DNAAF4: variants seen among roughly 807,000 people sequenced by gnomAD.
DNAAF4 encodes dynein assembly factor 4, axonemal.
Under a neutral mutation model 51.8 loss-of-function variants are expected in DNAAF4, and 43 were observed. The observed-to-expected ratio is 0.83, with a 90% confidence interval of 0.65 to 1.07. The LOEUF is 1.07. Ranked by LOEUF, DNAAF4 falls within the 50% of genes least tolerant of loss-of-function variation. DNAAF4 has a pLI of 0.00. For synonymous variants in DNAAF4, 194 were observed against 165.6 expected, an observed-to-expected ratio of 1.17 and a Z score of -1.32; for missense variants, 581 against 493.0, an observed-to-expected ratio of 1.18 and a Z score of -1.69.
chr15:55,460,731 T>C lies in DNAAF4; in HGVS notation c.637+6199A>G, dbSNP rs911763901. 2.6e-5 allele frequency among the ~76,000 whole-genome samples: 4 copies of C among 151,796 alleles called. No homozygotes were observed. The East Asian group carries it at 7.7e-4, about 29-fold the overall frequency. On this transcript the variant is annotated intron_variant, in intron 5 of 9. Transcript: ENST00000321149. ...AGCACATGGAACATTCATTCCAAGATAAACCAAATGATAGAACACAAAACA... is the reference window on the plus strand; with the variant it reads ...AGCACATGGAACATTCATTCCAAGACAAACCAAATGATAGAACACAAAACA...
At chr15:55,498,920 A>AG (rs2058676102) in intron 1 of DNAAF4, among the ~76,000 whole-genome samples, 1 of 151,094 alleles carries the variant, frequency 6.6e-6, no homozygotes, top group Admixed American at 6.6e-5. Flanking sequence ...TCAAAAAAAA[A>AG]AAAAGAAAAG....
At chr15:55,437,739 C>CT (rs1239646811) in intron 7 of DNAAF4, among the ~76,000 whole-genome samples, 1 of 152,102 alleles carries the variant, frequency 6.6e-6, no homozygotes, top group Non-Finnish European at 1.5e-5. Context: ...CAATCAGTGG[C>CT]TGGGGAGCCA....
chr15:55,484,548 T>A (rs959496705), intron 4 of DNAAF4, among the ~76,000 whole-genome samples: 1 of 151,748 alleles, frequency 6.6e-6, no homozygotes, highest in East Asian at 1.9e-4. Context: ...CACTTCTAGA[T>A]ACAAGCCCAA....
chr15:55,422,760 G>T (rs564176043), intron 7 of DNAAF4, among the ~76,000 whole-genome samples: 1 of 152,190 alleles, frequency 6.6e-6, no homozygotes, highest in African/African-American at 2.4e-5. Context: ...ACTTTGGGAG[G>T]CTGAGGTGGG....
At chr15:55,501,669 C>G (rs184093898) in intron 1 of DNAAF4, among the ~76,000 whole-genome samples, 1 of 152,030 alleles carries the variant, frequency 6.6e-6, no homozygotes, top group South Asian at 2.1e-4. Flanking sequence ...GCCACCACGC[C>G]GGGCCAGGAT....
intron 1 of DNAAF4, among the ~76,000 whole-genome samples, chr15:55,505,593 AG>A (rs1372713986): frequency 6.6e-6 from 1 of 152,222 alleles, no homozygotes; most frequent in East Asian, 1.9e-4. Flanking sequence ...GCCATAAAAA[AG>A]GAGGAGTTCA....
chr15:55,470,773 G>T (rs893651205), intron 4 of DNAAF4, among the ~76,000 whole-genome samples: 2 of 151,260 alleles, frequency 1.3e-5, no homozygotes, highest in African/African-American at 4.9e-5. Context: ...TTGAACTCCT[G>T]GGCTCAAGTG....
chr15:55,465,833 T>C (rs748911175), intron 5 of DNAAF4, among the ~76,000 whole-genome samples: 18 of 152,216 alleles, frequency 1.2e-4, no homozygotes, highest in South Asian at 4.1e-4. Flanking sequence ...CCCAAAGTGT[T>C]AGGATTACAG....
At chr15:55,472,053 T>A (rs1356645042) in intron 4 of DNAAF4, among the ~76,000 whole-genome samples, 1 of 150,604 alleles carries the variant, frequency 6.6e-6, no homozygotes, top group African/African-American at 2.4e-5. Flanking sequence ...TTGGCCAGGC[T>A]GGTGTCAAAC....
chr15:55,444,765 C>T (rs1339496010), intron 6 of DNAAF4, among the ~76,000 whole-genome samples: 1 of 152,122 alleles, frequency 6.6e-6, no homozygotes, highest in East Asian at 1.9e-4. Flanking sequence ...CCTTCACATA[C>T]CTTGTAAGTT....
chr15:55,471,540 G>A (rs959870245), intron 4 of DNAAF4, among the ~76,000 whole-genome samples: 9 of 149,858 alleles, frequency 6.0e-5, no homozygotes, highest in African/African-American at 2.2e-4. Flanking sequence ...CTCAGATGGA[G>A]TCTCACTCTG....
intron 1 of DNAAF4, among the ~76,000 whole-genome samples, chr15:55,498,975 C>CTT (rs895276168): frequency 3.3e-5 from 5 of 151,064 alleles, no homozygotes; most frequent in Admixed American, 6.6e-5. Flanking sequence ...CCTCATAATG[C>CTT]GATAATGCTA....
At chr15:55,443,340 G>C in intron 6 of DNAAF4, 4 of 922,722 alleles carry the variant, frequency 4.3e-6, no homozygotes, top group Non-Finnish European at 6.6e-6. Flanking sequence ...GGAGGCGCCT[G>C]GCGCAGCTCC....
rs1371272466 is a variant in DNAAF4 at position 55,497,846 on chromosome 15, G to A, written c.137C>T (p.Pro46Leu). 1 of 1,609,492 alleles carries A rather than the reference G, an allele frequency of 6.2e-7. No homozygotes were observed. Among genetic ancestry groups the A allele is most frequent in the Admixed American group, 1.7e-5 (1 of 59,298 alleles). Reference sequence around the variant, plus strand: ...ATAAAGAAATGCCTCAAATAAAAATGGAGGAAAGTTGACCTATGCAGAAGG... The same window carrying A: ...ATAAAGAAATGCCTCAAATAAAAATAGAGGAAAGTTGACCTATGCAGAAGG... ...TENYLKVNFP[P>L]FLFEAFLYAP... is the part of the protein sequence containing the mutation. Residue 46 changes from proline (P) to leucine (L), a missense_variant, in exon 3 of 10, where the codon CCA becomes CTA. Pro to Leu is a moderately conservative substitution (Grantham distance 98). Transcript: ENST00000321149.
intron 8 of DNAAF4, among the ~76,000 whole-genome samples, chr15:55,433,869 T>TA (rs1415498956): frequency 1.7e-4 from 9 of 51,762 alleles, no homozygotes; most frequent in African/African-American, 6.6e-4. Context: ...ATATATATTA[T>TA]ATATATTACA....
intron 5 of DNAAF4, among the ~76,000 whole-genome samples, chr15:55,455,315 G>A (rs1393253106): frequency 1.4e-5 from 2 of 144,118 alleles, no homozygotes; most frequent in Admixed American, 7.1e-5. Context: ...AACAGTATGA[G>A]GAAAGAAAAA....
intron 6 of DNAAF4, among the ~76,000 whole-genome samples, chr15:55,446,288 A>C (rs1360480485): frequency 1.9e-4 from 6 of 30,914 alleles, no homozygotes; most frequent in Admixed American, 1.5e-3. Context: ...CGCTCCTCAC[A>C]TCCCAGACGG....
intron 6 of DNAAF4, chr15:55,442,999 A>G: frequency 6.2e-7 from 1 of 1,611,554 alleles, no homozygotes; most frequent in East Asian, 2.2e-5. Flanking sequence ...TTCAAAGCCC[A>G]GGCCATCATC....
chr15:55,471,164 T>C (rs796316324), intron 4 of DNAAF4, among the ~76,000 whole-genome samples: 114 of 152,138 alleles, frequency 7.5e-4, no homozygotes, highest in African/African-American at 2.6e-3. Flanking sequence ...CCCAGCATGA[T>C]TGATTATTAA....
Sources: allele counts gnomAD v4.1 joint callset (sites outside exome capture counted in the v4.1 genomes callset), GRCh38; gene constraint gnomAD v4.1.1; transcripts MANE v1.5; gene names NCBI Gene and HGNC (gene_info 2026-07-23, HGNC 2026-07-21).